Variants in AGPS observed in about 807,000 individuals in gnomAD.
The protein encoded by AGPS is alkyldihydroxyacetonephosphate synthase, peroxisomal.
In AGPS, 26 loss-of-function variants were observed where a neutral mutation model predicts 90.7. That is an observed-to-expected ratio of 0.29 (90% CI 0.21 to 0.40). The LOEUF is 0.40. Ranked by LOEUF, AGPS falls within the 10% of genes least tolerant of loss-of-function variation. The pLI is 1.00. For synonymous variants in AGPS, 294 were observed against 285.3 expected, an observed-to-expected ratio of 1.03 and a Z score of -0.31; for missense variants, 540 against 816.1, an observed-to-expected ratio of 0.66 and a Z score of 4.12.
intron 1 of AGPS, among the ~76,000 whole-genome samples, chr2:177,396,734 A>C (rs1685187675): frequency 6.6e-6 from 1 of 152,210 alleles, no homozygotes; most frequent in Admixed American, 6.5e-5. Flanking sequence ...TTAGAAGTTC[A>C]TTAGGTGACA....
intron 10 of AGPS, among the ~76,000 whole-genome samples, chr2:177,470,333 GC>G (rs1463864213): frequency 1.3e-5 from 2 of 152,124 alleles, no homozygotes; most frequent in African/African-American, 4.8e-5. Context: ...AAAAGACTGG[GC>G]TACCTCCGTA....
At chr2:177,460,278 A>G (rs932556654) in intron 8 of AGPS, among the ~76,000 whole-genome samples, 3 of 152,154 alleles carry the variant, frequency 2.0e-5, no homozygotes, top group Non-Finnish European at 4.4e-5. Context: ...ACAAAACTGC[A>G]CGTTCTGCAC....
intron 8 of AGPS, among the ~76,000 whole-genome samples, chr2:177,451,582 A>G (rs1686953511): frequency 6.6e-6 from 1 of 151,740 alleles, no homozygotes; most frequent in African/African-American, 2.4e-5. Flanking sequence ...AAGAAGCGAG[A>G]CTTGTTTCTG....
chr2:177,476,825 T>G (rs1345469585), intron 10 of AGPS, among the ~76,000 whole-genome samples: 1 of 152,158 alleles, frequency 6.6e-6, no homozygotes, highest in African/African-American at 2.4e-5. Context: ...TTGCTTCATA[T>G]ATTTTTGTGC....
intron 18 of AGPS, among the ~76,000 whole-genome samples, chr2:177,523,085 A>T (rs1223336420): frequency 6.6e-6 from 1 of 151,748 alleles, no homozygotes; most frequent in Non-Finnish European, 1.5e-5. Context: ...TTTTCTTTTC[A>T]CTCTTAGGTA....
In AGPS at chr2:177,420,281, G is replaced by C; in HGVS notation, c.273G>C (p.Met91Ile). The change falls in exon 2 of 20, where the codon ATG (methionine) becomes ATC (isoleucine). Residue 91 changes from methionine to isoleucine, a missense_variant. By Grantham distance (10) the Met-to-Ile change is conservative. This residue lies in a region of AGPS where 405 missense variants were observed against 692.1 expected (regional missense o/e 0.59). Coordinates refer to ENST00000264167, the MANE Select transcript of AGPS (RefSeq NM_003659.4). Reference sequence around the variant, plus strand: ...TTCTTCTCACTAGGCAAGAAGTTATGAAATGGAATGGATGGGGATATAATG... The same window carrying C: ...TTCTTCTCACTAGGCAAGAAGTTATCAAATGGAATGGATGGGGATATAATG... ...GTIPKKRQEV[M>I]KWNGWGYNDS... 1 of 1,607,082 alleles carries C rather than the reference G, an allele frequency of 6.2e-7. No individual in the cohort carries two copies. Among genetic ancestry groups the C allele is most frequent in the Non-Finnish European group, 8.5e-7 (1 of 1,174,332 alleles).
intron 12 of AGPS, among the ~76,000 whole-genome samples, chr2:177,495,728 T>C (rs1574009719): frequency 7.1e-6 from 1 of 141,410 alleles, no homozygotes; most frequent in Non-Finnish European, 1.5e-5. Flanking sequence ...GCCAACATGG[T>C]GAAACCCTGT....
chr2:177,407,462 A>G (rs1396873825), intron 1 of AGPS, among the ~76,000 whole-genome samples: 2 of 152,198 alleles, frequency 1.3e-5, no homozygotes, highest in Non-Finnish European at 2.9e-5. Flanking sequence ...TCATGGCAGA[A>G]GATGAAGTGG....
At chr2:177,531,981 A>C (rs1451764203) in intron 19 of AGPS, among the ~76,000 whole-genome samples, 1 of 152,202 alleles carries the variant, frequency 6.6e-6, no homozygotes, top group Non-Finnish European at 1.5e-5. Flanking sequence ...AATTTAACTC[A>C]AAATGAATAA....
intron 1 of AGPS, among the ~76,000 whole-genome samples, chr2:177,410,191 G>C (rs1685579862): frequency 6.6e-6 from 1 of 152,160 alleles, no homozygotes; most frequent in South Asian, 2.1e-4. Context: ...GGGTCCTTCT[G>C]TAAGCATTTC....
At chr2:177,516,643 A>C (rs1180490129) in intron 17 of AGPS, among the ~76,000 whole-genome samples, 1 of 152,180 alleles carries the variant, frequency 6.6e-6, no homozygotes, top group African/African-American at 2.4e-5. Flanking sequence ...TAATCTGTTC[A>C]TCTACTGAAA....
chr2:177,508,614 C>T (rs1688777752), intron 16 of AGPS, among the ~76,000 whole-genome samples: 1 of 152,026 alleles, frequency 6.6e-6, no homozygotes, highest in Non-Finnish European at 1.5e-5. Context: ...ACTGGAAATA[C>T]ATACATACAG....
At chr2:177,517,042 C>A (rs1035933766) in intron 17 of AGPS, among the ~76,000 whole-genome samples, 3 of 152,056 alleles carry the variant, frequency 2.0e-5, no homozygotes, top group African/African-American at 7.2e-5. Flanking sequence ...GCCTAAAATG[C>A]GATTAAAATT....
chr2:177,472,440 T>C (rs1041273350), intron 10 of AGPS, among the ~76,000 whole-genome samples: 11 of 152,168 alleles, frequency 7.2e-5, no homozygotes, highest in African/African-American at 2.7e-4. Flanking sequence ...TTTGTTTGTA[T>C]TTCTGATTCA....
At chr2:177,453,282 T>G (rs1038395919) in intron 8 of AGPS, among the ~76,000 whole-genome samples, 2 of 150,792 alleles carry the variant, frequency 1.3e-5, no homozygotes, top group Non-Finnish European at 3.0e-5. Context: ...TTTTTTTTTT[T>G]CTTTGAGACA....
chr2:177,515,321 A>G (rs1333651777), intron 17 of AGPS, among the ~76,000 whole-genome samples: 1 of 152,114 alleles, frequency 6.6e-6, no homozygotes, highest in Non-Finnish European at 1.5e-5. Flanking sequence ...TGTAATCCTG[A>G]AAACAAATCA....
chr2:177,527,321 A>T (rs1161206100), intron 19 of AGPS, among the ~76,000 whole-genome samples: 2 of 152,018 alleles, frequency 1.3e-5, no homozygotes, highest in Non-Finnish European at 2.9e-5. Flanking sequence ...CCAGCTACTC[A>T]GGAGGCTGAG....
intron 7 of AGPS, among the ~76,000 whole-genome samples, chr2:177,443,033 TC>T (rs1686654427): frequency 6.6e-6 from 1 of 152,146 alleles, no homozygotes. Flanking sequence ...TTAGATGAAG[TC>T]GTTATTAACA....
At chr2:177,505,470 TAA>T (rs751104538) in intron 14 of AGPS, 34 bp from the exon 15 acceptor site, 328 of 1,566,000 alleles carry the variant, frequency 2.1e-4, no homozygotes, top group Non-Finnish European at 2.1e-4. Context: ...GAGATTAAGA[TAA>T]AAAATTTATT....
Sources: allele counts gnomAD v4.1 joint callset (sites outside exome capture counted in the v4.1 genomes callset), GRCh38; gene constraint gnomAD v4.1.1; regional missense constraint gnomAD v4.1.1; transcripts MANE v1.5; gene names NCBI Gene and HGNC (gene_info 2026-07-23, HGNC 2026-07-21).